The following PTPN13 variants were observed in gnomAD, a reference collection of about 807,000 sequenced individuals.
PTPN13 encodes protein tyrosine phosphatase non-receptor type 13.
Under a neutral mutation model 284.0 loss-of-function variants are expected in PTPN13, and 191 were observed. That is an observed-to-expected ratio of 0.67 (90% CI 0.60 to 0.76). The LOEUF (loss-of-function observed/expected upper bound fraction) is 0.76, where lower values mean the gene tolerates loss of function less well. Ranked by LOEUF, PTPN13 falls within the 30% of genes least tolerant of loss-of-function variation. The pLI, the probability that PTPN13 is intolerant of heterozygous loss-of-function variation, is 0.00. For missense variants in PTPN13, 2,797 were observed against 2,939.9 expected, an observed-to-expected ratio of 0.95 and a Z score of 1.12; for synonymous variants, 986 against 1,022.3, an observed-to-expected ratio of 0.96 and a Z score of 0.68.
At chr4:86,695,619 TCTTA>T (rs1730516836) in intron 6 of PTPN13, among the ~76,000 whole-genome samples, 1 of 152,006 alleles carries the variant, frequency 6.6e-6, no homozygotes, top group East Asian at 1.9e-4. Context: ...TTTTTGTTTT[TCTTA>T]CTTATCTTTT....
chr4:86,739,027 A>AT (rs1038334529), intron 15 of PTPN13, among the ~76,000 whole-genome samples: 11 of 152,042 alleles, frequency 7.2e-5, no homozygotes, highest in African/African-American at 2.4e-4. Context: ...GAAGTTTCCA[A>AT]TTTTTTTTAT....
chr4:86,779,063 TAA>T (rs58996030), intron 35 of PTPN13, among the ~76,000 whole-genome samples: 239 of 132,360 alleles, frequency 1.8e-3, no homozygotes, highest in African/African-American at 5.5e-3. Context: ...AATGTTTCTT[TAA>T]AAAAAAAAAA....
rs531392021 is a variant in PTPN13, at chr4:86,662,223, A to G, written c.116-10142A>G. Among the ~76,000 whole-genome samples, 14 of 152,358 alleles carry G rather than the reference A, an allele frequency of 9.2e-5. No individual in the cohort carries two copies. The East Asian group carries it at 2.5e-3, about 27-fold the overall frequency. On this transcript the variant is annotated intron_variant, in intron 2 of 47. Coordinates refer to ENST00000411767, the MANE Select transcript of PTPN13 (RefSeq NM_080683.3). ...CTTTGACAAAATTGTTAAGCTAACA[A>G]TAAGATCAAGTTTTTAAATAGAATT... is the stretch of plus-strand genomic sequence containing the variant.
rs370519745 is a variant in PTPN13 at position 86,809,821 on chromosome 4, A to G, written c.7136A>G (p.His2379Arg). The change falls in exon 46 of 48, where the codon CAT (histidine) becomes CGT (arginine). Residue 2379 changes from histidine (H) to arginine (R), a missense_variant. Physicochemically the swap from His to Arg is conservative, Grantham distance 29. Coordinates refer to ENST00000411767, the MANE Select transcript of PTPN13 (RefSeq NM_080683.3). ...SHLNFTAWPD[H>R]DTPSQPDDLL... ...CTGAATTTCACTGCCTGGCCAGACC[A>G]TGATACACCTTCTCAACCAGATGAT... 6.2e-6 allele frequency: 10 copies of G among 1,613,966 alleles called. No homozygotes were observed. The highest frequency in any genetic ancestry group is 5.3e-5 in the African/African-American group (4 of 74,950).
chr4:86,796,290 C>CTTTCATCTT (rs1023206426), intron 40 of PTPN13, among the ~76,000 whole-genome samples: 1 of 152,052 alleles, frequency 6.6e-6, no homozygotes, highest in Non-Finnish European at 1.5e-5. Context: ...TTAATTCACA[C>CTTTCATCTT]TTTCATCTTT....
At chr4:86,642,538 C>T (rs1244844025) in intron 2 of PTPN13, among the ~76,000 whole-genome samples, 1 of 145,588 alleles carries the variant, frequency 6.9e-6, no homozygotes. Flanking sequence ...CTGCAACCTC[C>T]ACCTCCCGGG....
chr4:86,673,405 G>T (rs922193549), intron 3 of PTPN13, among the ~76,000 whole-genome samples: 2 of 152,128 alleles, frequency 1.3e-5, no homozygotes, highest in African/African-American at 4.8e-5. Flanking sequence ...CAGAGTAATT[G>T]GTATGGGTAA....
chr4:86,748,363 A>C (rs1229264454), intron 17 of PTPN13, among the ~76,000 whole-genome samples: 5 of 152,204 alleles, frequency 3.3e-5, no homozygotes, highest in Non-Finnish European at 4.4e-5. Flanking sequence ...AGGAAAGACC[A>C]GATAAATGGT....
At chr4:86,678,499 C>A (rs77770524) in intron 3 of PTPN13, among the ~76,000 whole-genome samples, 6,687 of 152,250 alleles carry the variant, frequency 0.044, 196 homozygotes, top group African/African-American at 0.052. Context: ...GCTGACAGAT[C>A]CCAAATGTAT....
At position 86,758,716 on chromosome 4, in the gene PTPN13, G is replaced by T. The variant is rs1322551557; in HGVS notation, c.3352G>T (p.Asp1118Tyr). The part of the protein sequence containing the change: ...IIGGEKMGRL[D>Y]LGIFISSVAP... ...TGGTGGGGAGAAGATGGGAAGACTG[G>T]ACCTAGGCATATTTATCAGTTCAGT... is the stretch of plus-strand genomic sequence containing the variant. Residue 1118 changes from aspartate (D) to tyrosine (Y), a missense_variant, in exon 22 of 48, where the codon GAC becomes TAC. By Grantham distance (160) the Asp-to-Tyr change is radical. Coordinates refer to ENST00000411767, the MANE Select transcript of PTPN13 (RefSeq NM_080683.3). 1 of 1,613,676 alleles carries T rather than the reference G, an allele frequency of 6.2e-7. No individual in the cohort carries two copies. Among genetic ancestry groups the T allele is most frequent in the African/African-American group, 1.3e-5 (1 of 74,908 alleles).
At chr4:86,604,517 T>C (rs1764584431) in intron 1 of PTPN13, among the ~76,000 whole-genome samples, 1 of 151,994 alleles carries the variant, frequency 6.6e-6, no homozygotes, top group Non-Finnish European at 1.5e-5. Context: ...TATCAGATTG[T>C]TTTATATGTA....
intron 7 of PTPN13, among the ~76,000 whole-genome samples, chr4:86,704,854 C>G (rs1405917152): frequency 6.6e-6 from 1 of 152,200 alleles, no homozygotes; most frequent in Non-Finnish European, 1.5e-5. Flanking sequence ...TGGAAATACA[C>G]TACCTTAAAC....
chr4:86,595,071 A>G (rs372964518), intron 1 of PTPN13, among the ~76,000 whole-genome samples: 5 of 152,260 alleles, frequency 3.3e-5, no homozygotes, highest in Admixed American at 3.3e-4. Flanking sequence ...ATTCTCGGGA[A>G]TGAAACCCAC....
At chr4:86,617,871 A>G (rs1720750690) in intron 1 of PTPN13, among the ~76,000 whole-genome samples, 1 of 151,928 alleles carries the variant, frequency 6.6e-6, no homozygotes, top group South Asian at 2.1e-4. Context: ...CCCATTCTGT[A>G]GGTTGCCTGT....
intron 5 of PTPN13, among the ~76,000 whole-genome samples, chr4:86,693,174 CATAGTT>C (rs1348762741): frequency 6.7e-6 from 1 of 149,796 alleles, no homozygotes; most frequent in East Asian, 2.0e-4. Flanking sequence ...TTCCTCAATT[CATAGTT>C]ATAATCAAGA....
At chr4:86,687,550 G>A (rs1043489726) in intron 4 of PTPN13, among the ~76,000 whole-genome samples, 1 of 151,938 alleles carries the variant, frequency 6.6e-6, no homozygotes, top group Non-Finnish European at 1.5e-5. Context: ...GAAGTAACAA[G>A]CATTTTAGCC....
intron 9 of PTPN13, among the ~76,000 whole-genome samples, chr4:86,718,167 A>G (rs1733238462): frequency 6.6e-6 from 1 of 152,204 alleles, no homozygotes; most frequent in Admixed American, 6.5e-5. Context: ...TTTGTAATAT[A>G]TTAGAGAACA....
At chr4:86,746,311 G>C (rs1736758008) in intron 17 of PTPN13, among the ~76,000 whole-genome samples, 1 of 152,120 alleles carries the variant, frequency 6.6e-6, no homozygotes, top group South Asian at 2.1e-4. Flanking sequence ...ATTCTTATAG[G>C]TATAAGTGAA....
intron 1 of PTPN13, among the ~76,000 whole-genome samples, chr4:86,600,262 G>T (rs984771332): frequency 6.6e-6 from 1 of 151,940 alleles, no homozygotes; most frequent in African/African-American, 2.4e-5. Flanking sequence ...CAGCTTACAA[G>T]AAACTGCTGT....
Sources: allele counts gnomAD v4.1 joint callset (sites outside exome capture counted in the v4.1 genomes callset), GRCh38; gene constraint gnomAD v4.1.1; transcripts MANE v1.5; gene names NCBI Gene and HGNC (gene_info 2026-07-23, HGNC 2026-07-21).